Variants in UBE2O observed in about 807,000 individuals in gnomAD.
The protein encoded by UBE2O is ubiquitin conjugating enzyme E2 O.
In UBE2O, 15 loss-of-function variants were observed where a neutral mutation model predicts 125.8. The observed-to-expected ratio is 0.12, with a 90% CI of 0.08 to 0.18. UBE2O has a LOEUF of 0.18. UBE2O is among the 10% of genes least tolerant of loss of function. UBE2O has a pLI of 1.00. For synonymous variants in UBE2O, 708 were observed against 703.2 expected (o/e 1.01, Z -0.11); for missense variants, 1,280 against 1,723.6 (o/e 0.74, Z 4.56).
rs745825932 is a variant in UBE2O at position 76,390,947 on chromosome 17, T to C, written c.3875A>G (p.Lys1292Arg). The stretch of plus-strand genomic sequence containing the variant: ...TCTTTCCTCTGTGCCTGGCAGCTAC[T>C]TGTCCTCTGTGCACTCCGGCATGCC... The part of the protein sequence containing the change: ...EAGMPECTED[K>R] Residue 1292 changes from lysine (K) to arginine (R), a missense_variant, in exon 18 of 18, where the codon AAG becomes AGG. Around this residue, in one of 10 missense-constraint regions of UBE2O, gnomAD observed 233 missense variants for 279.0 expected, o/e 0.84. Coordinates refer to ENST00000319380, the MANE Select transcript of UBE2O (RefSeq NM_022066.4). 2 of 1,601,386 alleles carry C rather than the reference T, an allele frequency of 1.2e-6. No individual in the cohort carries two copies. The highest frequency in any genetic ancestry group is 8.5e-7 in the Non-Finnish European group (1 of 1,173,998).
At chr17:76,407,825 A>G (rs539225220) in intron 1 of UBE2O, among the ~76,000 whole-genome samples, 1 of 152,376 alleles carries the variant, frequency 6.6e-6, no homozygotes, top group South Asian at 2.1e-4. Context: ...TGGGGTCTCC[A>G]GACAACAGCA....
Position 76,398,859 on chromosome 17 carries a change from T to C in UBE2O, c.1761A>G (p.Gly587=). Residue 587 remains glycine (G), a synonymous_variant, in exon 10 of 18, where the codon GGA becomes GGG. Coordinates refer to ENST00000319380, the MANE Select transcript of UBE2O (RefSeq NM_022066.4). This position sits in a 1 kb window ranked among gnomAD's most constrained non-coding sequence, Gnocchi z 5.4. ...HHLDNNEFCP[G]DFVVDKRVQS... Reference sequence around the variant, plus strand: ...TACCTCGCTTATCTACCACGAAGTCTCCAGGGCAGAACTCGTTGTTGTCCA... The same window carrying C: ...TACCTCGCTTATCTACCACGAAGTCCCCAGGGCAGAACTCGTTGTTGTCCA... 6.2e-7 allele frequency: 1 copy of C among 1,613,938 alleles called. No individual in the cohort carries two copies. The highest frequency in any genetic ancestry group is 8.5e-7 in the Non-Finnish European group (1 of 1,179,944).
At position 76,399,438 on chromosome 17, in the gene UBE2O, T is replaced by TCG; in HGVS notation, c.1628+10_1628+11insCG. 1.9e-6 allele frequency: 3 copies of TCG among 1,612,042 alleles called. No homozygotes were observed. The highest frequency in any genetic ancestry group is 2.5e-6 in the Non-Finnish European group (3 of 1,178,418). On this transcript the variant is annotated intron_variant, in intron 9 of 17. Coordinates refer to ENST00000319380, the MANE Select transcript of UBE2O (RefSeq NM_022066.4). The surrounding 1 kb of genome is among the most constrained non-coding windows in gnomAD (Gnocchi z 6.9). ...TGACGCCATTGGGGAGGGGCACAACTCTGAGTTTACCTGTCCCCTGGCTTG... is the reference window on the plus strand; with the variant it reads ...TGACGCCATTGGGGAGGGGCACAACTCGCTGAGTTTACCTGTCCCCTGGCTTG...
rs1335985910 is a variant in UBE2O, at chr17:76,405,990, T to C, written c.418-418A>G. Among the ~76,000 whole-genome samples, 10 of 152,220 alleles carry C rather than the reference T, an allele frequency of 6.6e-5. No homozygotes were observed. Among genetic ancestry groups the C allele is most frequent in the Admixed American group, 3.9e-4 (6 of 15,286 alleles). Reference sequence around the variant, plus strand: ...GCAAGTGCCTGCCCTAGCTGATCAGTGCTGAGGGAGAGTGGGCTGGGGGAG... The same window carrying C: ...GCAAGTGCCTGCCCTAGCTGATCAGCGCTGAGGGAGAGTGGGCTGGGGGAG... On this transcript the variant is annotated intron_variant, in intron 1 of 17. Transcript: ENST00000319380. This position sits in a 1 kb window ranked among gnomAD's most constrained non-coding sequence, Gnocchi z 6.1.
In UBE2O at chr17:76,405,545, G is replaced by C; in HGVS notation, c.445C>G (p.Pro149Ala). 1 of 1,598,776 alleles carries C rather than the reference G, an allele frequency of 6.3e-7. No homozygotes were observed. The highest frequency in any genetic ancestry group is 8.5e-7 in the Non-Finnish European group (1 of 1,174,380). ...KLKLEDRSVV[P>A]RDVVRHMRST... The stretch of plus-strand genomic sequence containing the variant: ...CGCATGTGCCGGACCACATCTCGGG[G>C]CACCACAGAACGGTCCTCTAGTTTC... The change falls in exon 2 of 18, where the codon CCC becomes GCC. Residue 149 changes from proline (P) to alanine (A), a missense_variant. By Grantham distance (27) the Pro-to-Ala change is conservative (BLOSUM62 -1). Around this residue, in one of 10 missense-constraint regions of UBE2O, gnomAD observed 206 missense variants for 315.7 expected, o/e 0.65. Transcript: ENST00000319380. The surrounding 1 kb of genome is among the most constrained non-coding windows in gnomAD (Gnocchi z 6.1).
At chr17:76,397,768 G>A (rs2072240263) in intron 13 of UBE2O, 31 bp downstream of exon 13, 4 of 1,609,068 alleles carry the variant, frequency 2.5e-6, no homozygotes, top group Non-Finnish European at 2.5e-6. Flanking sequence ...ATAGTCACAA[G>A]CTCAGCAGGG....
Position 76,405,765 on chromosome 17 carries a change from C to G in UBE2O, c.418-193G>C, listed in dbSNP as rs539994520. Among the ~76,000 whole-genome samples, 1 of 152,204 alleles carries G rather than the reference C, an allele frequency of 6.6e-6. No individual in the cohort carries two copies. Among genetic ancestry groups the G allele is most frequent in the Non-Finnish European group, 1.5e-5 (1 of 68,024 alleles). ...CCAGACCCACAGGCAGAGCGCGTCA[C>G]GCCCACAGGCCTCCTGGGGCCCCTG... On this transcript the variant is annotated intron_variant, in intron 1 of 17. Transcript: ENST00000319380. The surrounding 1 kb of genome is among the most constrained non-coding windows in gnomAD (Gnocchi z 6.1).
rs2072315447 is a variant in UBE2O at position 76,401,107 on chromosome 17, G to A, written c.798C>T (p.Leu266=). The change falls in exon 6 of 18, where the codon CTC becomes CTT. Residue 266 remains leucine, a synonymous_variant. Transcript: ENST00000319380. The stretch of plus-strand genomic sequence containing the variant: ...TGGAGAAGATCTTGGCAGGGCCAAT[G>A]AGCACCTGGCCTGGGTAGAAGCCAT... ...DSYGFYPGQV[L]IGPAKIFSSV... The A allele has an allele frequency of 6.2e-7, 1 of 1,613,846 alleles. No homozygotes were observed. Among genetic ancestry groups the A allele is most frequent in the Non-Finnish European group, 8.5e-7 (1 of 1,180,024 alleles).
chr17:76,448,057 G>A (rs1403336004), intron 1 of UBE2O, among the ~76,000 whole-genome samples: 1 of 152,166 alleles, frequency 6.6e-6, no homozygotes, highest in African/African-American at 2.4e-5. Flanking sequence ...CAGAGTAGGT[G>A]ACAGCCAGGA....
chr17:76,446,897 A>G (rs1292531907), intron 1 of UBE2O, among the ~76,000 whole-genome samples: 1 of 152,182 alleles, frequency 6.6e-6, no homozygotes. Context: ...TAGAAATGCA[A>G]TGTGTTTTTG....
rs1472639078 is a variant in UBE2O at position 76,399,609 on chromosome 17, C to T, written c.1468G>A (p.Asp490Asn). Residue 490 changes from aspartate (D) to asparagine (N), a missense_variant, in exon 9 of 18, where the codon GAC becomes AAC. Around this residue, in one of 10 missense-constraint regions of UBE2O, gnomAD observed 145 missense variants for 219.6 expected, o/e 0.66. Transcript: ENST00000319380. This position sits in a 1 kb window ranked among gnomAD's most constrained non-coding sequence, Gnocchi z 6.9. ...GCAGAGGAGGTCACCGAACTGGTGT[C>T]GTCCGTGTCATCAGCAGCCTCATCA... is the stretch of plus-strand genomic sequence containing the variant. ...ADDEAADDTD[D>N]TSSVTSSASS... 6.2e-7 allele frequency: 1 copy of T among 1,614,078 alleles called. No individual in the cohort carries two copies. Among genetic ancestry groups the T allele is most frequent in the African/African-American group, 1.3e-5 (1 of 74,910 alleles).
At position 76,401,167 on chromosome 17, in the gene UBE2O, G is replaced by A; in HGVS notation, c.751-13C>T. On this transcript the variant is annotated splice_polypyrimidine_tract_variant and intron_variant, in intron 5 of 17. Transcript: ENST00000319380. Reference sequence around the variant, plus strand: ...CGAAGAAGAGACCCTGCGGGATGTGGGGCCAAAGGAAAGTCCCCGTGAGCG... The same window carrying A: ...CGAAGAAGAGACCCTGCGGGATGTGAGGCCAAAGGAAAGTCCCCGTGAGCG... The A allele has an allele frequency of 1.2e-6, 2 of 1,612,208 alleles. No homozygotes were observed. Among genetic ancestry groups the A allele is most frequent in the Non-Finnish European group, 1.7e-6 (2 of 1,179,172 alleles).
chr17:76,392,352 G>A (rs1373605187), intron 15 of UBE2O, among the ~76,000 whole-genome samples: 1 of 151,954 alleles, frequency 6.6e-6, no homozygotes, highest in Non-Finnish European at 1.5e-5. Context: ...CCCCCAGGCT[G>A]GAGTACACTA....
In UBE2O at chr17:76,412,674, CAG is replaced by C. The variant is rs565633257; in HGVS notation, c.418-7104_418-7103del. ...GGTGTGGCGCCACTATAGTTCAAGA[CAG>C]GGGTCACGTGTGTTAGTGCATATAT... On this transcript the variant is annotated intron_variant, in intron 1 of 17. Coordinates refer to ENST00000319380, the MANE Select transcript of UBE2O (RefSeq NM_022066.4). Among the ~76,000 whole-genome samples, 29 of 152,268 alleles carry C rather than the reference CAG, an allele frequency of 1.9e-4. 1 individual carries two copies. In the South Asian group the frequency reaches 5.6e-3, roughly 29 times the overall value.
chr17:76,446,463 A>AC (rs66936418), intron 1 of UBE2O, among the ~76,000 whole-genome samples: 9,736 of 66,390 alleles, frequency 0.15, 386 homozygotes, highest in East Asian at 0.28. Context: ...AAAAACAAAC[A>AC]AAAAAAAAAA....
chr17:76,392,232 G>C (rs1011528257), intron 15 of UBE2O, 119 bp from the exon 16 acceptor site: 31 of 606,368 alleles, frequency 5.1e-5, no homozygotes, highest in Admixed American at 7.4e-5. Flanking sequence ...CACGCAGGAA[G>C]AGCAGCACCT....
intron 15 of UBE2O, among the ~76,000 whole-genome samples, chr17:76,393,653 G>A (rs2072154429): frequency 6.6e-6 from 1 of 152,212 alleles, no homozygotes. Flanking sequence ...GGCTGGTGAG[G>A]CCTGGGGAAG....
intron 1 of UBE2O, among the ~76,000 whole-genome samples, chr17:76,442,552 GTC>G (rs1356597380): frequency 1.3e-5 from 2 of 152,266 alleles, no homozygotes; most frequent in East Asian, 1.9e-4. Flanking sequence ...AGGATTTGCT[GTC>G]TCTGTTTCTC....
In UBE2O at chr17:76,395,754, T is replaced by A; in HGVS notation, c.2917A>T (p.Ile973Phe). ...CTATCTTCAAAAGTCTTGACCATGA[T>A]GCCCTCAGGCAGTGAGGTAGCCAGC... ...ALLATSLPEG[I>F]MVKTFEDRMD... is the part of the protein sequence containing the mutation. The change falls in exon 15 of 18, where the codon ATC (isoleucine) becomes TTC (phenylalanine). Residue 973 changes from isoleucine (I) to phenylalanine (F), a missense_variant. Ile to Phe is a conservative substitution (Grantham distance 21, BLOSUM62 0). Transcript: ENST00000319380. The surrounding 1 kb of genome is among the most constrained non-coding windows in gnomAD (Gnocchi z 5.0). 6.2e-7 allele frequency: 1 copy of A among 1,614,206 alleles called. No individual in the cohort carries two copies. Among genetic ancestry groups the A allele is most frequent in the Non-Finnish European group, 8.5e-7 (1 of 1,180,012 alleles).
Sources: gnomAD v4.1 joint callset for allele counts (sites outside exome capture counted in the v4.1 genomes callset) on GRCh38, gnomAD v4.1.1 for gene constraint, gnomAD v4.1.1 regional missense constraint, Gnocchi (gnomAD v3.1) non-coding constraint, MANE v1.5 for transcripts, NCBI Gene and HGNC (gene_info 2026-07-23, HGNC 2026-07-21) for gene names.